Variants in MAP4K5 observed in about 807,000 individuals in gnomAD.
The protein encoded by MAP4K5 is mitogen-activated protein kinase kinase kinase kinase 5.
A neutral mutation model predicts 135.6 loss-of-function variants in MAP4K5; 82 were observed. That is an observed-to-expected ratio of 0.60 (90% CI 0.51 to 0.73). The LOEUF is 0.73. Among genes scored for constraint, MAP4K5 ranks in the 30% least tolerant of loss-of-function variants. The pLI, the probability that MAP4K5 is intolerant of heterozygous loss-of-function variation, is 0.00. For synonymous variants in MAP4K5, 347 were observed against 335.0 expected (o/e 1.04, Z -0.39); for missense variants, 907 against 1,010.9 (o/e 0.90, Z 1.39).
At chr14:50,536,792 A>G (rs943049151), upstream of MAP4K5, among the ~76,000 whole-genome samples, 2 of 152,318 alleles carry the variant, frequency 1.3e-5, no homozygotes, top group South Asian at 4.1e-4. Flanking sequence ...AACTTGAGAG[A>G]GAAGATTTAG....
At chr14:50,441,669 G>A (rs188490451) in intron 21 of MAP4K5, among the ~76,000 whole-genome samples, 75 of 151,350 alleles carry the variant, frequency 5.0e-4, no homozygotes, top group African/African-American at 1.7e-3. Flanking sequence ...GAGCTGCACT[G>A]AACTATGACT....
At chr14:50,440,325 G>A in intron 22 of MAP4K5, 37 bp downstream of exon 22, 1 of 1,335,140 alleles carries the variant, frequency 7.5e-7, no homozygotes, top group Non-Finnish European at 1.1e-6. Flanking sequence ...TATTCAATTT[G>A]TTTAAATTAA....
At position 50,464,075 on chromosome 14, in the gene MAP4K5, G is replaced by C. The variant is rs976502991; in HGVS notation, c.796C>G (p.Pro266Ala). 13 of 1,546,942 alleles carry C rather than the reference G, an allele frequency of 8.4e-6. No homozygotes were observed. In the African/African-American group the frequency reaches 1.6e-4, roughly 20 times the overall value. ...IALTKNPKKRPTAERLLTHTF... is the reference protein window; with the variant it reads ...IALTKNPKKRATAERLLTHTF... ...ACAGTCAGAAGTCTTTCAGCAGTTG[G>C]TCTTTTTTTTGGGTTTTTGGTTAGT... is the stretch of plus-strand genomic sequence containing the variant. Residue 266 changes from proline (P) to alanine (A), a missense_variant, in exon 12 of 33, where the codon CCA becomes GCA. Transcript: ENST00000682126.
In MAP4K5 at chr14:50,427,200, T is replaced by C. The variant is rs529630312; in HGVS notation, c.2327-1223A>G. ...TGTGTAACAATTAAAATTACGAAGA[T>C]AATTTGGCACATCTGAAAAAGTTGA... On this transcript the variant is annotated intron_variant, in intron 30 of 32. Coordinates refer to ENST00000682126, the MANE Select transcript of MAP4K5 (RefSeq NM_006575.6). Among the ~76,000 whole-genome samples the C allele has an allele frequency of 1.4e-3, 218 of 152,308 alleles. 1 individual carries two copies. The highest frequency in any genetic ancestry group is 5.0e-3 in the African/African-American group (208 of 41,586).
chr14:50,448,811 G>T lies in MAP4K5; in HGVS notation c.1037C>A (p.Pro346His). 6.4e-7 allele frequency: 1 copy of T among 1,561,050 alleles called. No homozygotes were observed. Among genetic ancestry groups the T allele is most frequent in the Non-Finnish European group, 8.7e-7 (1 of 1,146,334 alleles). ...TGCTTCTGTTTCTTTTCTCAGAGGA[G>T]GTTCAAATTGTAATTTGTCAACTGC... ...EINFDKLQFE[P>H]PLRKETEARD... Residue 346 changes from proline to histidine, a missense_variant, in exon 15 of 33, where the codon CCT becomes CAT. Coordinates refer to ENST00000682126, the MANE Select transcript of MAP4K5 (RefSeq NM_006575.6).
intron 14 of MAP4K5, chr14:50,449,458 G>C (rs2036433908): frequency 6.6e-6 from 1 of 152,044 alleles, no homozygotes; most frequent in Non-Finnish European, 1.5e-5. Flanking sequence ...AAAATCTAAT[G>C]TGATTAAAAG....
Position 50,447,445 on chromosome 14 carries a change from T to G in MAP4K5, c.1111A>C (p.Asn371His). ...SSDPNFMLQW[N>H]PFVDGANTGK... ...GTATTTGCACCATCAACAAAAGGAT[T>G]CCACTGTAACATGAAATTTGGGTCT... The change falls in exon 16 of 33, where the codon AAT becomes CAT. Residue 371 changes from asparagine to histidine, a missense_variant. Physicochemically the swap from Asn to His is moderately conservative, Grantham distance 68. This residue lies in a region of MAP4K5 where 690 missense variants were observed against 777.4 expected (regional missense o/e 0.89). Transcript: ENST00000682126. 6.4e-7 allele frequency: 1 copy of G among 1,552,562 alleles called. No homozygotes were observed. Among genetic ancestry groups the G allele is most frequent in the Non-Finnish European group, 8.7e-7 (1 of 1,147,092 alleles).
At chr14:50,542,116 TTAG>T (rs1045501213) in intron 2 of MAP4K5, among the ~76,000 whole-genome samples, 2 of 150,324 alleles carry the variant, frequency 1.3e-5, no homozygotes, top group African/African-American at 4.9e-5. Context: ...CTTCTAGGTC[TTAG>T]TAGAGGCTAG....
intron 13 of MAP4K5, among the ~76,000 whole-genome samples, chr14:50,457,969 G>A (rs953452450): frequency 1.3e-5 from 2 of 152,124 alleles, no homozygotes; most frequent in African/African-American, 2.4e-5. Context: ...TTACCTTTGC[G>A]TTTACACATC....
chr14:50,544,965 A>G (rs940339350), intron 1 of MAP4K5, among the ~76,000 whole-genome samples: 7 of 146,876 alleles, frequency 4.8e-5, no homozygotes, highest in Non-Finnish European at 9.0e-5. Context: ...AAAAAAAAGA[A>G]GCCAACTATA....
At chr14:50,474,935 C>T in intron 9 of MAP4K5, 142 bp downstream of exon 9, 1 of 684,176 alleles carries the variant, frequency 1.5e-6, no homozygotes, top group Non-Finnish European at 2.5e-6. Context: ...AGTTCCCTAA[C>T]CCAAACAGAA....
chr14:50,444,912 CTAAA>C, intron 18 of MAP4K5, 125 bp downstream of exon 18: 2 of 1,014,030 alleles, frequency 2.0e-6, no homozygotes, highest in Non-Finnish European at 2.8e-6. Context: ...ATAGGATTGA[CTAAA>C]TAAAAAAGAT....
intron 14 of MAP4K5, among the ~76,000 whole-genome samples, chr14:50,452,226 G>C (rs957489119): frequency 1.3e-5 from 2 of 152,074 alleles, no homozygotes; most frequent in South Asian, 2.1e-4. Context: ...ATCATAAATC[G>C]GGGAGCATCT....
chr14:50,470,322 G>A (rs548427297), intron 9 of MAP4K5, among the ~76,000 whole-genome samples: 14 of 152,164 alleles, frequency 9.2e-5, no homozygotes, highest in Non-Finnish European at 1.5e-4. Context: ...GTATCTTAGG[G>A]AAGAGTAAAG....
intron 2 of MAP4K5, among the ~76,000 whole-genome samples, chr14:50,517,875 T>A (rs2038067230): frequency 6.6e-6 from 1 of 152,236 alleles, no homozygotes; most frequent in Non-Finnish European, 1.5e-5. Flanking sequence ...TCATTTTACT[T>A]TTATTATAAA....
intron 3 of MAP4K5, among the ~76,000 whole-genome samples, chr14:50,491,763 G>A (rs2037489418): frequency 6.7e-6 from 1 of 149,566 alleles, no homozygotes; most frequent in Admixed American, 6.7e-5. Context: ...TTGGCTCACT[G>A]CAGCCTCAAC....
chr14:50,436,996 A>G (rs927272444), intron 26 of MAP4K5, among the ~76,000 whole-genome samples: 2 of 152,178 alleles, frequency 1.3e-5, no homozygotes, highest in African/African-American at 4.8e-5. Flanking sequence ...AACTATGAGT[A>G]TAACTGCTTC....
chr14:50,467,246 GC>G (rs2036852980), intron 10 of MAP4K5, among the ~76,000 whole-genome samples: 1 of 151,936 alleles, frequency 6.6e-6, no homozygotes, highest in African/African-American at 2.4e-5. Context: ...GTTCTAAAAT[GC>G]TCTATTTCAG....
Position 50,517,705 on chromosome 14 carries a change from G to A in MAP4K5, c.109-12848C>T, listed in dbSNP as rs549774516. On this transcript the variant is annotated intron_variant, in intron 2 of 32. Transcript: ENST00000682126. ...AATTGCTTCAACCCGGGAGGCGGAG[G>A]TTGCAGTGGTTGCAGTAAGCCAAGA... Among the ~76,000 whole-genome samples the A allele has an allele frequency of 2.6e-5, 4 of 152,136 alleles. No individual in the cohort carries two copies. In the East Asian group the frequency reaches 7.8e-4, roughly 30 times the overall value.
Sources: allele counts gnomAD v4.1 joint callset (sites outside exome capture counted in the v4.1 genomes callset), GRCh38; gene constraint gnomAD v4.1.1; regional missense constraint gnomAD v4.1.1; transcripts MANE v1.5; gene names NCBI Gene and HGNC (gene_info 2026-07-23, HGNC 2026-07-21).